ARHGAP18: variants seen among roughly 807,000 people sequenced by gnomAD.
The protein encoded by ARHGAP18 is rho GTPase-activating protein 18.
A neutral mutation model predicts 86.2 loss-of-function variants in ARHGAP18; 67 were observed. The observed-to-expected ratio is 0.78, with a 90% CI of 0.64 to 0.95. The LOEUF (loss-of-function observed/expected upper bound fraction) is 0.95. ARHGAP18 is among the 40% of genes least tolerant of loss of function. The pLI is 0.00. For missense variants in ARHGAP18, 691 were observed against 780.4 expected (o/e 0.89, Z 1.37); for synonymous variants, 283 against 280.4 (o/e 1.01, Z -0.09).
At chr6:129,597,564 A>G (rs949424839) in intron 12 of ARHGAP18, among the ~76,000 whole-genome samples, 1 of 152,080 alleles carries the variant, frequency 6.6e-6, no homozygotes, top group African/African-American at 2.4e-5. Flanking sequence ...TCAGGCTTCA[A>G]TCACATACCT....
intron 12 of ARHGAP18, among the ~76,000 whole-genome samples, chr6:129,589,009 G>A (rs1788458066): frequency 6.6e-6 from 1 of 152,204 alleles, no homozygotes; most frequent in Non-Finnish European, 1.5e-5. Context: ...AGGCTGTGTA[G>A]AGCAGGGGAG....
intron 1 of ARHGAP18, among the ~76,000 whole-genome samples, chr6:129,678,364 GA>G (rs569754310): frequency 4.3e-4 from 66 of 152,314 alleles, no homozygotes; most frequent in African/African-American, 1.6e-3. Context: ...TTGTGCTCAA[GA>G]AAAGCTGTAC....
chr6:129,607,176 G>A (rs1246453954), intron 9 of ARHGAP18, among the ~76,000 whole-genome samples: 2 of 152,096 alleles, frequency 1.3e-5, no homozygotes, highest in Non-Finnish European at 2.9e-5. Flanking sequence ...TCTTATAAGT[G>A]TCCCTGTTTA....
At chr6:129,608,107 T>A in intron 8 of ARHGAP18, 55 bp from the exon 9 acceptor site, 1 of 1,502,686 alleles carries the variant, frequency 6.7e-7, no homozygotes, top group Non-Finnish European at 8.8e-7. Context: ...GAAGTGCATT[T>A]TTTTTCTTGC....
At chr6:129,626,590 G>A (rs939506963) in intron 5 of ARHGAP18, among the ~76,000 whole-genome samples, 4 of 151,406 alleles carry the variant, frequency 2.6e-5, no homozygotes, top group Non-Finnish European at 5.9e-5. Context: ...GATACAAAGA[G>A]TAACAATCCT....
rs184377933 is a variant in ARHGAP18, at chr6:129,651,729, C to A, written c.114-9711G>T. ...TCATCTCCTCTCTGCCACTGTTATC[C>A]ACTCGTTCTCCAGTCATCCCCTGCT... On this transcript the variant is annotated intron_variant, in intron 1 of 14. Transcript: ENST00000368149. Among the ~76,000 whole-genome samples the A allele has an allele frequency of 1.3e-5, 2 of 152,230 alleles. 1 individual carries two copies. The highest frequency in any genetic ancestry group is 3.9e-4 in the East Asian group (2 of 5,168).
intron 1 of ARHGAP18, among the ~76,000 whole-genome samples, chr6:129,678,290 A>G (rs1367218644): frequency 1.3e-5 from 2 of 152,232 alleles, no homozygotes; most frequent in African/African-American, 2.4e-5. Context: ...ACTTAAATGC[A>G]TTATGGATTA....
intron 1 of ARHGAP18, among the ~76,000 whole-genome samples, chr6:129,650,292 A>T (rs955977233): frequency 2.6e-5 from 4 of 152,138 alleles, no homozygotes; most frequent in Admixed American, 2.0e-4. Context: ...TGTAGAAAAA[A>T]GGGAGGGAAG....
At chr6:129,683,859 A>G (rs1774373843) in intron 1 of ARHGAP18, among the ~76,000 whole-genome samples, 1 of 152,200 alleles carries the variant, frequency 6.6e-6, no homozygotes, top group Admixed American at 6.5e-5. Context: ...TGGAGGTGTA[A>G]CCACGGCGGG....
chr6:129,695,296 C>T (rs1342591220), intron 1 of ARHGAP18, among the ~76,000 whole-genome samples: 1 of 152,208 alleles, frequency 6.6e-6, no homozygotes, highest in South Asian at 2.1e-4. Flanking sequence ...CGCTTGCTAA[C>T]TGCAGTAAAC....
intron 1 of ARHGAP18, among the ~76,000 whole-genome samples, chr6:129,668,366 A>ACACACACACG (rs1774080771): frequency 7.0e-6 from 1 of 143,512 alleles, no homozygotes; most frequent in South Asian, 2.3e-4. Context: ...AAATAATCAC[A>ACACACACACG]CACACACACA....
chr6:129,646,180 C>G (rs940724277), intron 1 of ARHGAP18, among the ~76,000 whole-genome samples: 2 of 152,132 alleles, frequency 1.3e-5, no homozygotes, highest in African/African-American at 2.4e-5. Context: ...AACTGGGAGT[C>G]TAAGTACCAA....
intron 1 of ARHGAP18, among the ~76,000 whole-genome samples, chr6:129,646,042 C>T (rs1018632411): frequency 6.6e-6 from 1 of 152,106 alleles, no homozygotes; most frequent in African/African-American, 2.4e-5. Context: ...TTAAACTGGT[C>T]TGACATTTTT....
Position 129,631,358 on chromosome 6 carries a change from A to C in ARHGAP18, c.617-1836T>G, listed in dbSNP as rs184268647. 3.7e-3 allele frequency among the ~76,000 whole-genome samples: 556 copies of C among 152,024 alleles called. 6 individuals carry two copies. The highest frequency in any genetic ancestry group is 0.013 in the African/African-American group (519 of 41,462). On this transcript the variant is annotated intron_variant, in intron 4 of 14. Transcript: ENST00000368149. ...TGAGTAATTATAATTAAGGTAGTAC[A>C]CATTTAACACACACATTTCCTTCAA...
chr6:129,628,578 T>C (rs1773092739), intron 5 of ARHGAP18, among the ~76,000 whole-genome samples: 1 of 152,142 alleles, frequency 6.6e-6, no homozygotes, highest in Admixed American at 6.5e-5. Context: ...CTATCACCAA[T>C]AAAGGGACCA....
At chr6:129,616,122 T>A in intron 7 of ARHGAP18, 90 bp downstream of exon 7, 1 of 1,044,094 alleles carries the variant, frequency 9.6e-7, no homozygotes. Context: ...AGTATATGAA[T>A]TGGAAAACTG....
intron 1 of ARHGAP18, among the ~76,000 whole-genome samples, chr6:129,681,284 G>T (rs1190367026): frequency 6.6e-6 from 1 of 152,108 alleles, no homozygotes; most frequent in Non-Finnish European, 1.5e-5. Context: ...TACTATGTTG[G>T]CCAGGCTCGT....
intron 12 of ARHGAP18, among the ~76,000 whole-genome samples, chr6:129,585,809 G>A (rs1385702809): frequency 6.6e-6 from 1 of 152,182 alleles, no homozygotes; most frequent in Admixed American, 6.5e-5. Flanking sequence ...AATCTGTGAA[G>A]GACAACCTAA....
In ARHGAP18 at chr6:129,656,631, G is replaced by A. The variant is rs191890352; in HGVS notation, c.114-14613C>T. ...TGCACTCCAGCCTGGGCGACAAAGCGAGATTCCGTCTCAAAAAAATAATAA... is the reference window on the plus strand; with the variant it reads ...TGCACTCCAGCCTGGGCGACAAAGCAAGATTCCGTCTCAAAAAAATAATAA... On this transcript the variant is annotated intron_variant, in intron 1 of 14. Transcript: ENST00000368149. 6.1e-3 allele frequency among the ~76,000 whole-genome samples: 924 copies of A among 151,670 alleles called. 7 individuals are homozygous for A. Among genetic ancestry groups the A allele is most frequent in the Non-Finnish European group, 8.8e-3 (597 of 67,924 alleles).
Sources: gnomAD v4.1 joint callset for allele counts (sites outside exome capture counted in the v4.1 genomes callset) on GRCh38, gnomAD v4.1.1 for gene constraint, MANE v1.5 for transcripts, NCBI Gene and HGNC (gene_info 2026-07-23, HGNC 2026-07-21) for gene names.